Variants in PKP1 observed in about 807,000 individuals in gnomAD.
PKP1 encodes the protein plakophilin-1.
Under a neutral mutation model 76.4 loss-of-function variants are expected in PKP1, and 27 were observed. That is an observed-to-expected ratio of 0.35 (90% CI 0.26 to 0.49). PKP1 has a LOEUF of 0.49. Among genes scored for constraint, PKP1 ranks in the 20% least tolerant of loss-of-function variants. The pLI, the probability that PKP1 is intolerant of heterozygous loss-of-function variation, is 0.99. For missense variants in PKP1, 964 were observed against 955.2 expected (o/e 1.01, Z -0.12); for synonymous variants, 404 against 384.2 (o/e 1.05, Z -0.60).
rs112224545 is a variant in PKP1, at chr1:201,292,533, G to C, written c.203-1409G>C. On this transcript the variant is annotated intron_variant, in intron 1 of 13. Transcript: ENST00000367324. ...TGGCGCTGGACAGGGGAGGTGGCACGAGGTGGGGATCCCTGCCTCATTCCA... is the reference window on the plus strand; with the variant it reads ...TGGCGCTGGACAGGGGAGGTGGCACCAGGTGGGGATCCCTGCCTCATTCCA... 2.3e-3 allele frequency among the ~76,000 whole-genome samples: 357 copies of C among 152,264 alleles called. 3 individuals are homozygous for C. Among genetic ancestry groups the C allele is most frequent in the African/African-American group, 8.1e-3 (335 of 41,550 alleles).
intron 2 of PKP1, 139 bp downstream of exon 2, chr1:201,294,184 C>T: frequency 1.4e-6 from 1 of 707,428 alleles, no homozygotes; most frequent in Non-Finnish European, 2.6e-6. Context: ...TCAACTCTGA[C>T]TAGGTCTGTT....
chr1:201,316,554 A>T lies in PKP1; in HGVS notation c.703A>T (p.Ile235Phe). Residue 235 changes from isoleucine (I) to phenylalanine (F), a missense_variant and splice_region_variant, in exon 4 of 14, where the codon ATC becomes TTC. By Grantham distance (21) the Ile-to-Phe change is conservative (BLOSUM62 0). Transcript: ENST00000367324. ...SFGHSRASSK[I>F]CSEDIECSGL... ...ACCCCCACTGCCTATTCTTCACAGG[A>T]TCTGCAGTGAGGACATCGAGTGCAG... is the stretch of plus-strand genomic sequence containing the variant. The T allele has an allele frequency of 6.2e-7, 1 of 1,605,524 alleles. No homozygotes were observed.
chr1:201,294,828 C>T (rs561446093), intron 2 of PKP1, among the ~76,000 whole-genome samples: 1 of 152,296 alleles, frequency 6.6e-6, no homozygotes, highest in African/African-American at 2.4e-5. Flanking sequence ...ATTTATTGAG[C>T]CCTAATTCTG....
intron 2 of PKP1, among the ~76,000 whole-genome samples, chr1:201,299,950 G>T (rs1343972859): frequency 6.6e-6 from 1 of 152,206 alleles, no homozygotes; most frequent in Non-Finnish European, 1.5e-5. Flanking sequence ...TCCAGGTGAG[G>T]GACTGATAGT....
intron 2 of PKP1, among the ~76,000 whole-genome samples, chr1:201,305,734 GT>G (rs999595217): frequency 2.6e-5 from 4 of 152,256 alleles, no homozygotes; most frequent in Admixed American, 2.0e-4. Context: ...CCAGTATAGG[GT>G]GGGGGGCATC....
intron 4 of PKP1, 45 bp downstream of exon 4, chr1:201,316,742 CTGG>C (rs749478417): frequency 3.1e-6 from 5 of 1,607,552 alleles, no homozygotes; most frequent in Non-Finnish European, 2.6e-6. Flanking sequence ...TGCGGAGGGC[CTGG>C]GTGTGTCAGC....
At chr1:201,328,596 TG>T in intron 12 of PKP1, 165 bp from the exon 13 acceptor site, 1 of 695,362 alleles carries the variant, frequency 1.4e-6, no homozygotes, top group East Asian at 2.7e-5. Context: ...TATTATGTTT[TG>T]TTACACAGTT....
intron 2 of PKP1, among the ~76,000 whole-genome samples, chr1:201,295,567 A>G (rs1053204094): frequency 1.3e-5 from 2 of 152,254 alleles, no homozygotes; most frequent in Admixed American, 6.5e-5. Context: ...CTGCACCAGC[A>G]GCCGGAATGG....
chr1:201,322,284 G>A, intron 8 of PKP1, 151 bp downstream of exon 8: 1 of 791,442 alleles, frequency 1.3e-6, no homozygotes. Flanking sequence ...GGGGCTCAGG[G>A]TGCACTCTGG....
At chr1:201,290,593 T>C (rs1438937231) in intron 1 of PKP1, among the ~76,000 whole-genome samples, 1 of 152,058 alleles carries the variant, frequency 6.6e-6, no homozygotes, top group Non-Finnish European at 1.5e-5. Flanking sequence ...AGGGACCTCT[T>C]TGAGTGGGAG....
intron 4 of PKP1, 151 bp from the exon 5 acceptor site, chr1:201,317,421 G>A: frequency 1.4e-6 from 1 of 723,908 alleles, no homozygotes; most frequent in Non-Finnish European, 2.5e-6. Flanking sequence ...CAGTTATCAT[G>A]ACCTCACACT....
At position 201,325,066 on chromosome 1, in the gene PKP1, C is replaced by T. The variant is rs747937991; in HGVS notation, c.1960C>T (p.Leu654=). The T allele has an allele frequency of 4.3e-6, 7 of 1,613,986 alleles. No individual in the cohort carries two copies. Among genetic ancestry groups the T allele is most frequent in the East Asian group, 4.5e-5 (2 of 44,900 alleles). Reference sequence around the variant, plus strand: ...GAACCTGATGGCCTCGCAGCCACAACTGGCCAAGCAGTACTTCTCCAGCAG... The same window carrying T: ...GAACCTGATGGCCTCGCAGCCACAATTGGCCAAGCAGTACTTCTCCAGCAG... ...VRNLMASQPQ[L]AKQYFSSSML... is the part of the protein sequence containing the mutation. Residue 654 remains leucine, a synonymous_variant, in exon 11 of 14, where the codon CTG becomes TTG. Transcript: ENST00000367324.
intron 6 of PKP1, chr1:201,319,829 A>G (rs1452392453): frequency 6.2e-7 from 1 of 1,614,056 alleles, no homozygotes; most frequent in East Asian, 2.2e-5. Flanking sequence ...GAGACTGGGC[A>G]TGCGGGAGCT....
At chr1:201,323,855 C>A (rs1182672521) in intron 9 of PKP1, among the ~76,000 whole-genome samples, 2 of 152,078 alleles carry the variant, frequency 1.3e-5, no homozygotes, top group African/African-American at 2.4e-5. Flanking sequence ...CCTGTTACAC[C>A]CAGGATAGCT....
At chr1:201,317,426 C>T (rs1656785710) in intron 4 of PKP1, 146 bp from the exon 5 acceptor site, 1 of 745,374 alleles carries the variant, frequency 1.3e-6, no homozygotes, top group African/African-American at 1.7e-5. Flanking sequence ...ATCATGACCT[C>T]ACACTGCTTA....
intron 2 of PKP1, among the ~76,000 whole-genome samples, chr1:201,301,427 C>G (rs1247807911): frequency 6.6e-6 from 1 of 152,172 alleles, no homozygotes; most frequent in African/African-American, 2.4e-5. Context: ...TAATCTTCCT[C>G]CATCATTTCC....
chr1:201,312,246 G>T (rs1306701820), intron 2 of PKP1, among the ~76,000 whole-genome samples: 3 of 152,212 alleles, frequency 2.0e-5, no homozygotes, highest in Admixed American at 2.0e-4. Context: ...CCCTGGAAGA[G>T]GGGAGGCAAG....
In PKP1 at chr1:201,313,321, C is replaced by T. The variant is rs760911627; in HGVS notation, c.462C>T (p.Arg154=). 1 of 1,594,530 alleles carries T rather than the reference C, an allele frequency of 6.3e-7. No homozygotes were observed. Among genetic ancestry groups the T allele is most frequent in the East Asian group, 2.3e-5 (1 of 44,026 alleles). ...ICFMQKIKAS[R]SEPDLYCDPR... ...TCATGCAGAAAATCAAGGCGAGCCG[C>T]AGTGAGCCCGACCTCTACTGTGACC... Residue 154 remains arginine, a synonymous_variant, in exon 3 of 14, where the codon CGC becomes CGT. Transcript: ENST00000367324.
intron 8 of PKP1, 151 bp downstream of exon 8, chr1:201,322,284 G>T: frequency 2.5e-6 from 2 of 791,442 alleles, no homozygotes; most frequent in East Asian, 5.3e-5. Flanking sequence ...GGGGCTCAGG[G>T]TGCACTCTGG....
Sources: gnomAD v4.1 joint callset for allele counts (sites outside exome capture counted in the v4.1 genomes callset) on GRCh38, gnomAD v4.1.1 for gene constraint, MANE v1.5 for transcripts, NCBI Gene and HGNC (gene_info 2026-07-23, HGNC 2026-07-21) for gene names.